FAM86B2: variants seen among roughly 807,000 people sequenced by gnomAD.
FAM86B2 encodes the protein family with sequence similarity 86 member B2.
FAM86B2 carries 1 observed loss-of-function variant against 26.5 expected under a neutral mutation model. The observed-to-expected ratio is 0.04, with a 90% CI of 0.01 to 0.18. The LOEUF (loss-of-function observed/expected upper bound fraction) is 0.18, where lower values mean the gene tolerates loss of function less well. FAM86B2 is among the 10% of genes least tolerant of loss of function. The pLI is 1.00. For synonymous variants in FAM86B2, 11 were observed against 127.8 expected (o/e 0.09, Z 6.17); for missense variants, 43 against 303.5 (o/e 0.14, Z 6.38).
chr8:12,435,992 C>G (rs1258490263), intron 1 of FAM86B2, among the ~76,000 whole-genome samples: 1 of 151,734 alleles, frequency 6.6e-6, no homozygotes, highest in Admixed American at 6.6e-5. Flanking sequence ...GTGAACCGTA[C>G]CCCACACCGA....
At chr8:12,426,479 T>A (rs1169342367) in intron 7 of FAM86B2, among the ~76,000 whole-genome samples, 7 of 66,764 alleles carry the variant, frequency 1.0e-4, no homozygotes, top group African/African-American at 3.6e-4. Flanking sequence ...TTTTTTTTTT[T>A]TTTTTTTTTT....
intron 2 of FAM86B2, among the ~76,000 whole-genome samples, chr8:12,432,952 G>A (rs1453407353): frequency 6.9e-6 from 1 of 144,982 alleles, no homozygotes; most frequent in Non-Finnish European, 1.5e-5. Flanking sequence ...TCCACCTCCT[G>A]GGTTCAAGCG....
chr8:12,426,170 T>A (rs1316200034), intron 7 of FAM86B2, among the ~76,000 whole-genome samples, 181 bp from the exon 8 acceptor site: 1 of 147,808 alleles, frequency 6.8e-6, no homozygotes, highest in Non-Finnish European at 1.5e-5. Flanking sequence ...ACCAGAAATC[T>A]GGTTTTGCAT....
At chr8:12,435,624 C>T (rs1798603033) in intron 1 of FAM86B2, among the ~76,000 whole-genome samples, 1 of 137,920 alleles carries the variant, frequency 7.3e-6, no homozygotes, top group African/African-American at 2.7e-5. Context: ...GAGCTCAATG[C>T]ACATGAATTA....
chr8:12,428,280 T>A (rs1812950856), intron 6 of FAM86B2, among the ~76,000 whole-genome samples: 1 of 140,824 alleles, frequency 7.1e-6, no homozygotes, highest in African/African-American at 2.6e-5. Flanking sequence ...GGTGAGGGGT[T>A]TTCGGTGGCC....
intron 4 of FAM86B2, 112 bp downstream of exon 4, chr8:12,430,237 TC>T (rs1813301337): frequency 2.3e-6 from 3 of 1,326,564 alleles, no homozygotes; most frequent in Non-Finnish European, 3.0e-6. Context: ...GGACCTCATG[TC>T]TAAGACTGCA....
chr8:12,426,263 C>T (rs1812627287), intron 7 of FAM86B2, among the ~76,000 whole-genome samples: 1 of 147,220 alleles, frequency 6.8e-6, no homozygotes, highest in African/African-American at 2.5e-5. Context: ...AGGACAGAAG[C>T]AGAGATCTGA....
At chr8:12,428,422 T>C (rs1812990117) in intron 6 of FAM86B2, among the ~76,000 whole-genome samples, 1 of 152,098 alleles carries the variant, frequency 6.6e-6, no homozygotes, top group Non-Finnish European at 1.5e-5. Flanking sequence ...AACGGGAGTA[T>C]GCCTGTCTCC....
At chr8:12,426,368 G>T (rs1440373908) in intron 7 of FAM86B2, among the ~76,000 whole-genome samples, 2 of 146,186 alleles carry the variant, frequency 1.4e-5, no homozygotes, top group African/African-American at 2.6e-5. Context: ...AAAAAAAAAG[G>T]TTGGTTGAGG....
chr8:12,433,137 AG>A (rs1392484342), intron 2 of FAM86B2, among the ~76,000 whole-genome samples: 10 of 122,330 alleles, frequency 8.2e-5, no homozygotes, highest in Non-Finnish European at 1.7e-4. Context: ...CTGGGATTAC[AG>A]GTGTGAGCCA....
At chr8:12,428,305 C>T (rs1812958131) in intron 6 of FAM86B2, among the ~76,000 whole-genome samples, 1 of 148,924 alleles carries the variant, frequency 6.7e-6, no homozygotes, top group Non-Finnish European at 1.5e-5. Context: ...CAAACAGCAC[C>T]TTCTCTCAAG....
Position 12,428,496 on chromosome 8 carries a change from G to A in FAM86B2, c.742+137C>T, listed in dbSNP as rs552236463. On this transcript the variant is annotated intron_variant, in intron 6 of 7. Coordinates refer to ENST00000262365, the MANE Select transcript of FAM86B2 (RefSeq NM_001137610.3). ...ACCCCTGTCCTTTGATGTCACCCTG[G>A]AGGCCCAGAGTAACTCTTCTGGAAG... The A allele has an allele frequency of 3.5e-5, 49 of 1,404,010 alleles. 1 individual carries two copies. Among genetic ancestry groups the A allele is most frequent in the South Asian group, 1.8e-4 (13 of 73,126 alleles). 87.0% of individuals were successfully genotyped at this position (1,404,010 alleles called of 1,614,324 possible). A position where few individuals can be genotyped will look rare whatever the true frequency, so the allele number is the denominator to read the frequency against.
intron 7 of FAM86B2, among the ~76,000 whole-genome samples, 190 bp from the exon 8 acceptor site, chr8:12,426,179 A>G (rs1275250337): frequency 6.8e-6 from 1 of 148,026 alleles, no homozygotes; most frequent in Non-Finnish European, 1.5e-5. Context: ...CTGGTTTTGC[A>G]TAGAAATGGC....
At chr8:12,426,342 A>G (rs1268337273) in intron 7 of FAM86B2, among the ~76,000 whole-genome samples, 1 of 144,716 alleles carries the variant, frequency 6.9e-6, no homozygotes, top group Non-Finnish European at 1.5e-5. Context: ...GGGCACAGCC[A>G]GACTCTGTCT....
intron 6 of FAM86B2, among the ~76,000 whole-genome samples, chr8:12,428,371 C>T (rs528521508): frequency 1.3e-5 from 2 of 149,052 alleles, no homozygotes; most frequent in African/African-American, 4.9e-5. Context: ...CTGAAGGACA[C>T]AGGGCATGGC....
intron 6 of FAM86B2, among the ~76,000 whole-genome samples, chr8:12,428,405 C>T (rs374391908): frequency 1.2e-3 from 178 of 151,992 alleles, no homozygotes; most frequent in East Asian, 3.9e-3. Flanking sequence ...CATGTGGTGA[C>T]GACTGTAACG....
chr8:12,435,981 C>G lies in FAM86B2; in HGVS notation c.96+267G>C, dbSNP rs1383901702. On this transcript the variant is annotated intron_variant, in intron 1 of 7. Transcript: ENST00000262365. ...GCCTTTAAAAAGTCGTGAAAATGAT[C>G]GTGAACCGTACCCCACACCGAGCGC... 3.0e-3 allele frequency among the ~76,000 whole-genome samples: 458 copies of G among 150,626 alleles called. 2 individuals are homozygous for G. The highest frequency in any genetic ancestry group is 0.011 in the African/African-American group (442 of 40,044).
In FAM86B2 at chr8:12,430,421, T is replaced by C. The variant is rs372882105; in HGVS notation, c.271A>G (p.Lys91Glu). 8.3e-3 allele frequency: 13,113 copies of C among 1,571,934 alleles called. 133 individuals carry two copies. In the African/African-American group the frequency reaches 0.12, roughly 14 times the overall value. The change falls in exon 4 of 8, where the codon AAA (lysine) becomes GAA (glutamate). Residue 91 changes from lysine to glutamate, a missense_variant. Lys to Glu is a moderately conservative substitution (Grantham distance 56). Coordinates refer to ENST00000262365, the MANE Select transcript of FAM86B2 (RefSeq NM_001137610.3). ...HEAVHTEPLD[K>E]LYEVLAETLM... ...GTCTCCGCGAGCACCTCGTACAGTT[T>C]GTCCAAAGGCTCCGTGTGGACAGCC...
chr8:12,436,128 CGAG>C (rs1183235375), intron 1 of FAM86B2, 117 bp downstream of exon 1: 1 of 640,788 alleles, frequency 1.6e-6, no homozygotes, highest in African/African-American at 1.8e-5. Flanking sequence ...CGGCCCTGAC[CGAG>C]GAGAGCCCAG....
Sources: gnomAD v4.1 joint callset for allele counts (sites outside exome capture counted in the v4.1 genomes callset) on GRCh38, gnomAD v4.1.1 for gene constraint, MANE v1.5 for transcripts, NCBI Gene and HGNC (gene_info 2026-07-23, HGNC 2026-07-21) for gene names.